Variants in PDE1C observed in about 807,000 individuals in gnomAD.
PDE1C encodes the protein dual specificity calcium/calmodulin-dependent 3',5'-cyclic nucleotide phosphodiesterase 1C.
In PDE1C, 62 loss-of-function variants were observed where a neutral mutation model predicts 93.1. That is an observed-to-expected ratio of 0.67 (90% CI 0.54 to 0.82). The LOEUF (loss-of-function observed/expected upper bound fraction) is 0.82. Among genes scored for constraint, PDE1C ranks in the 40% least tolerant of loss-of-function variants. PDE1C has a pLI of 0.00. For missense variants in PDE1C, 742 were observed against 884.6 expected (o/e 0.84, Z 2.04); for synonymous variants, 325 against 310.1 (o/e 1.05, Z -0.50).
intron 2 of PDE1C, among the ~76,000 whole-genome samples, chr7:31,890,897 G>A (rs753378737): frequency 5.9e-5 from 9 of 152,166 alleles, no homozygotes; most frequent in Non-Finnish European, 1.2e-4. Flanking sequence ...TGTGAAGACA[G>A]TGCATCTTCT....
intron 8 of PDE1C, among the ~76,000 whole-genome samples, chr7:31,850,310 T>C (rs1163849452): frequency 6.6e-6 from 1 of 152,294 alleles, no homozygotes; most frequent in East Asian, 1.9e-4. Flanking sequence ...TTATGTGTCA[T>C]CTGGGCCTTT....
intron 2 of PDE1C, among the ~76,000 whole-genome samples, chr7:31,890,982 G>C (rs1179396627): frequency 6.6e-6 from 1 of 151,952 alleles, no homozygotes; most frequent in Admixed American, 6.6e-5. Context: ...GTCTGCTATT[G>C]TTTCCCTCCA....
At chr7:31,983,371 G>T (rs992720650) in intron 2 of PDE1C, among the ~76,000 whole-genome samples, 6 of 152,190 alleles carry the variant, frequency 3.9e-5, no homozygotes, top group Non-Finnish European at 8.8e-5. Flanking sequence ...AAGCTCAGGA[G>T]GAGGGAGATA....
At chr7:32,200,402 A>G (rs1192522927) in intron 2 of PDE1C, among the ~76,000 whole-genome samples, 1 of 152,170 alleles carries the variant, frequency 6.6e-6, no homozygotes, top group Non-Finnish European at 1.5e-5. Flanking sequence ...GGTAGTTTCA[A>G]TTGCCCAGGG....
intron 1 of PDE1C, among the ~76,000 whole-genome samples, chr7:32,347,579 T>G (rs1158475050): frequency 6.6e-6 from 1 of 152,142 alleles, no homozygotes; most frequent in African/African-American, 2.4e-5. Flanking sequence ...GCATCATGGG[T>G]GGGCCTGACT....
intron 1 of PDE1C, among the ~76,000 whole-genome samples, chr7:32,405,239 AT>A (rs1188829546): frequency 7.5e-6 from 1 of 132,508 alleles, no homozygotes; most frequent in Non-Finnish European, 1.6e-5. Context: ...TAATTAACTT[AT>A]TTTTTCTTTT....
At chr7:32,016,052 C>G (rs1391832224) in intron 2 of PDE1C, among the ~76,000 whole-genome samples, 3 of 152,186 alleles carry the variant, frequency 2.0e-5, no homozygotes, top group Admixed American at 1.3e-4. Flanking sequence ...AGTTACCACC[C>G]TTTCTCTAGG....
intron 17 of PDE1C, among the ~76,000 whole-genome samples, chr7:31,766,676 A>T (rs1472029112): frequency 6.6e-6 from 1 of 152,180 alleles, no homozygotes; most frequent in Non-Finnish European, 1.5e-5. Context: ...AAAATATCTA[A>T]TATTTCTGCA....
chr7:32,392,363 A>G (rs773229057), intron 1 of PDE1C, among the ~76,000 whole-genome samples: 1 of 152,206 alleles, frequency 6.6e-6, no homozygotes, highest in Non-Finnish European at 1.5e-5. Context: ...CGTAACATTT[A>G]TAGGAAAAAT....
chr7:31,637,973 A>G, the PDE1C span, among the ~76,000 whole-genome samples: 3 of 152,086 alleles, frequency 2.0e-5, no homozygotes, highest in South Asian at 2.1e-4. Flanking sequence ...AGTTTTCCCA[A>G]CACCATTTAT....
At chr7:32,314,919 A>G (rs1783137102) in intron 1 of PDE1C, among the ~76,000 whole-genome samples, 1 of 151,474 alleles carries the variant, frequency 6.6e-6, no homozygotes, top group African/African-American at 2.4e-5. Context: ...CTCAAATTGG[A>G]CAATAAATAT....
intron 2 of PDE1C, among the ~76,000 whole-genome samples, chr7:31,984,038 G>A (rs139610438): frequency 6.8e-4 from 103 of 152,226 alleles, no homozygotes; most frequent in African/African-American, 2.2e-3. Flanking sequence ...TGTGAGGCAC[G>A]TTCAAAAGAG....
At chr7:31,690,972 A>T in the PDE1C span, among the ~76,000 whole-genome samples, 1 of 152,142 alleles carries the variant, frequency 6.6e-6, no homozygotes, top group Non-Finnish European at 1.5e-5. Context: ...ATAGGTGCAT[A>T]AGACCATATC....
chr7:32,415,698 G>A (rs768985741), intron 1 of PDE1C, among the ~76,000 whole-genome samples: 11 of 148,462 alleles, frequency 7.4e-5, no homozygotes, highest in South Asian at 2.1e-4. Flanking sequence ...AAAGGCTGGC[G>A]GTGGGAGAGG....
chr7:32,034,578 A>G (rs1252813709), intron 2 of PDE1C, among the ~76,000 whole-genome samples: 1 of 152,162 alleles, frequency 6.6e-6, no homozygotes, highest in African/African-American at 2.4e-5. Flanking sequence ...GGTAGCTCCC[A>G]GTCATGCTTG....
chr7:32,002,932 G>A (rs1220028700), intron 2 of PDE1C, among the ~76,000 whole-genome samples: 4 of 152,274 alleles, frequency 2.6e-5, no homozygotes, highest in African/African-American at 9.6e-5. Flanking sequence ...TTGAAATTCA[G>A]TTTCTTTTTC....
At chr7:31,744,499 C>T in the PDE1C span, among the ~76,000 whole-genome samples, 2 of 152,130 alleles carry the variant, frequency 1.3e-5, no homozygotes, top group East Asian at 1.9e-4. Context: ...TAAGAAGTGA[C>T]TGTGAGCGTA....
intron 1 of PDE1C, among the ~76,000 whole-genome samples, chr7:32,371,000 CAA>C (rs548885265): frequency 3.7e-4 from 50 of 133,340 alleles, no homozygotes; most frequent in Middle Eastern, 4.1e-3. Context: ...ATATGGAAGT[CAA>C]AAAAAAAAAA....
intron 16 of PDE1C, among the ~76,000 whole-genome samples, chr7:31,793,192 TGATTTAAAG>T: frequency 6.6e-6 from 1 of 152,036 alleles, no homozygotes; most frequent in Non-Finnish European, 1.5e-5. Flanking sequence ...TAAAACCATG[TGATTTAAAG>T]ATAATTGGTT....
Sources: allele counts gnomAD v4.1 joint callset (sites outside exome capture counted in the v4.1 genomes callset), GRCh38; gene constraint gnomAD v4.1.1; transcripts MANE v1.5; gene names NCBI Gene and HGNC (gene_info 2026-07-23, HGNC 2026-07-21).